Variants in CDH6 observed in about 807,000 individuals in gnomAD.
CDH6 encodes cadherin-6.
Under a neutral mutation model 78.0 loss-of-function variants are expected in CDH6, and 31 were observed. The ratio of observed to expected loss-of-function variants is 0.40; its 90% CI spans 0.30 to 0.54. The LOEUF is 0.54. Among genes scored for constraint, CDH6 ranks in the 20% least tolerant of loss-of-function variants. The probability of loss-of-function intolerance (pLI) is 0.56; values close to 1 mark genes in which losing one functional copy is unlikely to be tolerated. For missense variants in CDH6, 724 were observed against 975.9 expected, an observed-to-expected ratio of 0.74 and a Z score of 3.44; for synonymous variants, 376 against 368.8, an observed-to-expected ratio of 1.02 and a Z score of -0.23.
At chr5:31,283,153 C>T (rs1319924123) in intron 2 of CDH6, among the ~76,000 whole-genome samples, 3 of 152,158 alleles carry the variant, frequency 2.0e-5, no homozygotes, top group African/African-American at 4.8e-5. Context: ...GCTACTGGCA[C>T]CTAGTAGGTA....
chr5:31,244,951 A>G (rs759047981), intron 1 of CDH6, among the ~76,000 whole-genome samples: 1 of 152,252 alleles, frequency 6.6e-6, no homozygotes. Flanking sequence ...AGCCAGGCCC[A>G]GAAAATATAA....
intron 11 of CDH6, chr5:31,318,147 C>T (rs1738380527): frequency 1.6e-6 from 1 of 613,742 alleles, no homozygotes; most frequent in African/African-American, 1.8e-5. Flanking sequence ...TTTGCTTGCC[C>T]AGGAAGCAAA....
At chr5:31,276,230 T>C (rs1440117221) in intron 2 of CDH6, among the ~76,000 whole-genome samples, 2 of 152,160 alleles carry the variant, frequency 1.3e-5, no homozygotes, top group Non-Finnish European at 2.9e-5. Flanking sequence ...AATTAGAGCT[T>C]TTTTATCACA....
intron 5 of CDH6, among the ~76,000 whole-genome samples, 192 bp downstream of exon 5, chr5:31,299,823 T>G (rs746667713): frequency 1.8e-4 from 28 of 152,202 alleles, no homozygotes; most frequent in Non-Finnish European, 3.1e-4. Flanking sequence ...CCTCTATTGG[T>G]AATTACCTGA....
intron 1 of CDH6, among the ~76,000 whole-genome samples, chr5:31,226,514 T>C (rs1040952105): frequency 2.0e-5 from 3 of 152,198 alleles, no homozygotes; most frequent in African/African-American, 7.2e-5. Context: ...TGATCATCTC[T>C]TCAAGTAATC....
chr5:31,248,326 C>T (rs992970114), intron 1 of CDH6, among the ~76,000 whole-genome samples: 1 of 152,144 alleles, frequency 6.6e-6, no homozygotes, highest in Non-Finnish European at 1.5e-5. Context: ...GTCCTTTTTC[C>T]ACTCATTTCC....
chr5:31,210,282 A>C (rs906255974), intron 1 of CDH6, among the ~76,000 whole-genome samples: 78 of 152,132 alleles, frequency 5.1e-4, no homozygotes, highest in African/African-American at 1.8e-3. Flanking sequence ...TGGGAGGCCG[A>C]GGTGGGTGGA....
chr5:31,299,620 G>A lies in CDH6; in HGVS notation c.800G>A (p.Arg267Gln), dbSNP rs199901263. 492 of 1,611,228 alleles carry A rather than the reference G, an allele frequency of 3.1e-4. 3 individuals carry two copies. Among genetic ancestry groups the A allele is most frequent in the South Asian group, 2.8e-3 (256 of 90,724 alleles). The stretch of plus-strand genomic sequence containing the variant: ...ACTGATGTCAACGACAACCCTCCCC[G>A]ATTCCCCCAGAGTAGGAACATTTGA... Reference protein sequence around the residue: ...TLTDVNDNPPRFPQSTYQFKT... With the variant: ...TLTDVNDNPPQFPQSTYQFKT... The change falls in exon 5 of 12, where the codon CGA (arginine) becomes CAA (glutamine). Residue 267 changes from arginine (R) to glutamine (Q), a missense_variant. Physicochemically the swap from Arg to Gln is conservative, Grantham distance 43. Transcript: ENST00000265071.
At chr5:31,239,849 C>CT (rs1191543204) in intron 1 of CDH6, among the ~76,000 whole-genome samples, 1 of 152,182 alleles carries the variant, frequency 6.6e-6, no homozygotes, top group Non-Finnish European at 1.5e-5. Flanking sequence ...TTTCACCGGC[C>CT]TTCACTTTAT....
At chr5:31,285,560 T>C (rs1579882893) in intron 2 of CDH6, among the ~76,000 whole-genome samples, 1 of 152,382 alleles carries the variant, frequency 6.6e-6, no homozygotes, top group East Asian at 1.9e-4. Flanking sequence ...CATTGCTTTA[T>C]GCAACTGGTC....
intron 2 of CDH6, among the ~76,000 whole-genome samples, chr5:31,286,172 G>A (rs187335441): frequency 6.6e-6 from 1 of 152,140 alleles, no homozygotes; most frequent in East Asian, 1.9e-4. Flanking sequence ...TGTCTATAAA[G>A]TGCCTGTATA....
intron 1 of CDH6, among the ~76,000 whole-genome samples, chr5:31,218,220 C>T (rs1235434387): frequency 6.6e-6 from 1 of 151,962 alleles, no homozygotes; most frequent in Non-Finnish European, 1.5e-5. Flanking sequence ...AGCAATTAGG[C>T]ATTTTATAAG....
intron 1 of CDH6, among the ~76,000 whole-genome samples, chr5:31,228,487 T>A (rs1741226781): frequency 6.6e-6 from 1 of 152,170 alleles, no homozygotes; most frequent in Non-Finnish European, 1.5e-5. Context: ...CAGACACCCA[T>A]GGACTCCCAC....
intron 2 of CDH6, among the ~76,000 whole-genome samples, chr5:31,276,704 T>C (rs145032957): frequency 6.6e-6 from 1 of 152,292 alleles, no homozygotes; most frequent in African/African-American, 2.4e-5. Context: ...GTCCATAGCA[T>C]GAGCAGACTG....
intron 1 of CDH6, among the ~76,000 whole-genome samples, chr5:31,222,940 C>T (rs1221171957): frequency 1.3e-5 from 2 of 152,036 alleles, no homozygotes; most frequent in South Asian, 2.1e-4. Context: ...TTTTTTGAGA[C>T]GGTGAACTCA....
intron 2 of CDH6, among the ~76,000 whole-genome samples, chr5:31,288,113 C>A (rs936321199): frequency 1.3e-4 from 20 of 152,164 alleles, no homozygotes; most frequent in South Asian, 4.1e-4. Flanking sequence ...AGGACTAGAG[C>A]AAGCCAATTC....
chr5:31,320,473 G>A lies in CDH6; in HGVS notation c.1883-2345G>A, dbSNP rs550107962. ...TGACTGAATGAGCCCATGTACATAA[G>A]AGCTTAATTCTTGGAGAGACAGTTG... On this transcript the variant is annotated intron_variant, in intron 11 of 11. Coordinates refer to ENST00000265071, the MANE Select transcript of CDH6 (RefSeq NM_004932.4). Among the ~76,000 whole-genome samples the A allele has an allele frequency of 3.3e-5, 5 of 152,240 alleles. No individual in the cohort carries two copies. The South Asian group carries it at 1.0e-3, about 32-fold the overall frequency.
intron 1 of CDH6, among the ~76,000 whole-genome samples, chr5:31,228,673 T>C (rs1275394453): frequency 6.6e-6 from 1 of 152,152 alleles, no homozygotes; most frequent in Non-Finnish European, 1.5e-5. Context: ...AGCTACATAC[T>C]CATAAGGAGC....
At chr5:31,318,210 A>C (rs1221185361) in intron 11 of CDH6, 3 of 592,118 alleles carry the variant, frequency 5.1e-6, no homozygotes, top group Admixed American at 3.0e-5. Context: ...TCAGGGCAAC[A>C]TAAATGTGCC....
Sources: allele counts gnomAD v4.1 joint callset (sites outside exome capture counted in the v4.1 genomes callset), GRCh38; gene constraint gnomAD v4.1.1; transcripts MANE v1.5; gene names NCBI Gene and HGNC (gene_info 2026-07-23, HGNC 2026-07-21).